The following P2RX5 variants were observed in gnomAD, a reference collection of about 807,000 sequenced individuals.
P2RX5 encodes the protein P2X purinoceptor 5.
Under a neutral mutation model 54.1 loss-of-function variants are expected in P2RX5, and 46 were observed. The ratio of observed to expected loss-of-function variants is 0.85; its 90% CI spans 0.67 to 1.09. The LOEUF (loss-of-function observed/expected upper bound fraction) is 1.09, where lower values mean the gene tolerates loss of function less well. Ranked by LOEUF, P2RX5 falls within the 50% of genes least tolerant of loss-of-function variation. P2RX5 has a pLI of 0.00. For synonymous variants in P2RX5, 226 were observed against 226.4 expected (o/e 1.00, Z 0.02); for missense variants, 566 against 549.8 (o/e 1.03, Z -0.29).
intron 6 of P2RX5, 150 bp downstream of exon 6, chr17:3,689,920 G>GCACGCGCACACACGCACA: frequency 2.4e-6 from 2 of 841,894 alleles, no homozygotes; most frequent in Admixed American, 1.7e-5. Flanking sequence ...ACAGACACAT[G>GCACGCGCACACACGCACA]CACGCGCACA....
rs1354502824 is a variant in P2RX5, at chr17:3,677,128, T to C, written c.1259+2462A>G. ...AGGCAGAGAGCAGCTGAGGGTGCGG[T>C]AGGTGGGTGTGGCCGTGGCATAAGA... is the stretch of plus-strand genomic sequence containing the variant. On this transcript the variant is annotated intron_variant, in intron 11 of 11. Transcript: ENST00000225328. 1.8e-5 allele frequency: 18 copies of C among 984,998 alleles called. No homozygotes were observed. The Admixed American group carries it at 9.9e-4, about 54-fold the overall frequency. The allele number at this position is 984,998 out of a possible 1,614,324, so 61.0% of individuals were successfully genotyped here.
the P2RX5 span, among the ~76,000 whole-genome samples, chr17:3,711,680 G>C: frequency 6.6e-6 from 1 of 150,388 alleles, no homozygotes; most frequent in Non-Finnish European, 1.5e-5. Flanking sequence ...CACTGCGCCC[G>C]GCCTCATTAT....
the P2RX5 span, among the ~76,000 whole-genome samples, chr17:3,714,128 C>T: frequency 3.3e-5 from 5 of 151,660 alleles, no homozygotes; most frequent in African/African-American, 7.3e-5. Flanking sequence ...GGGGTTTCAC[C>T]GTGTTAGCCA....
In P2RX5 at chr17:3,673,708, TC is replaced by T; in HGVS notation, c.*159del. On this transcript the variant is annotated 3_prime_UTR_variant, in exon 12 of 12. Coordinates refer to ENST00000225328, the MANE Select transcript of P2RX5 (RefSeq NM_002561.4). ...ATGACCCCAGCATCAGACGTGGAGG[TC>T]ACTTTGCTCTGTGATGGCTGGTCCC... The T allele has an allele frequency of 6.4e-7, 1 of 1,573,608 alleles. No individual in the cohort carries two copies. The highest frequency in any genetic ancestry group is 8.6e-7 in the Non-Finnish European group (1 of 1,160,336).
chr17:3,676,610 G>A, intron 11 of P2RX5: 1 of 984,892 alleles, frequency 1.0e-6, no homozygotes, highest in East Asian at 1.1e-4. Context: ...ATCCACCAAA[G>A]CTGGCCTTTT....
chr17:3,676,511 G>A (rs1333379165), intron 11 of P2RX5: 1 of 985,152 alleles, frequency 1.0e-6, no homozygotes. Flanking sequence ...ACTTAAATCA[G>A]CTGAGCATAC....
upstream of P2RX5, among the ~76,000 whole-genome samples, chr17:3,696,802 T>C (rs2050767458): frequency 6.6e-6 from 1 of 152,130 alleles, no homozygotes; most frequent in Admixed American, 6.6e-5. Context: ...AAAGGGTTCT[T>C]CCTATTGAAT....
chr17:3,689,037 C>T (rs1273962266), intron 7 of P2RX5, among the ~76,000 whole-genome samples: 1 of 152,246 alleles, frequency 6.6e-6, no homozygotes, highest in Non-Finnish European at 1.5e-5. Flanking sequence ...CCAGCATGTG[C>T]CAAAGGGGGT....
the P2RX5 span, chr17:3,722,417 G>T: frequency 5.3e-5 from 8 of 151,970 alleles, no homozygotes; most frequent in East Asian, 3.9e-4. Flanking sequence ...GGAGGCGGAG[G>T]TTGCAGTGAG....
intron 11 of P2RX5, chr17:3,677,098 G>C: frequency 1.0e-6 from 1 of 985,346 alleles, no homozygotes; most frequent in Non-Finnish European, 1.2e-6. Context: ...GCCCTACAGC[G>C]ATGGAGGCAG....
At chr17:3,680,483 A>T (rs1160106621) in intron 10 of P2RX5, among the ~76,000 whole-genome samples, 2 of 37,596 alleles carry the variant, frequency 5.3e-5, no homozygotes, top group Non-Finnish European at 8.6e-5. Context: ...TCCACCCTGC[A>T]TCCTCCACCC....
At chr17:3,702,809 T>C in the P2RX5 span, among the ~76,000 whole-genome samples, 1 of 152,208 alleles carries the variant, frequency 6.6e-6, no homozygotes, top group East Asian at 1.9e-4. Context: ...TGGGACTATA[T>C]GCGTGAGCCA....
At chr17:3,712,322 G>C in the P2RX5 span, among the ~76,000 whole-genome samples, 80,718 of 152,012 alleles carry the variant, frequency 0.53, 22,337 homozygotes, top group African/African-American at 0.65. Context: ...GGAAGCAGAT[G>C]GTGCCCAACA....
At chr17:3,719,697 A>G in the P2RX5 span, among the ~76,000 whole-genome samples, 37 of 152,292 alleles carry the variant, frequency 2.4e-4, no homozygotes, top group East Asian at 6.2e-3. Context: ...GATACAAAAA[A>G]CAATTTCTCA....
Position 3,683,893 on chromosome 17 carries a change from G to C in P2RX5, c.982-1915C>G, listed in dbSNP as rs1026272926. 4.6e-5 allele frequency among the ~76,000 whole-genome samples: 7 copies of C among 152,292 alleles called. No homozygotes were observed. The East Asian group carries it at 7.7e-4, about 17-fold the overall frequency. ...TCCCAGGAACGTGGTCCTGGTATGG[G>C]ACACAATTTTCCAGGTTTTAACAAA... On this transcript the variant is annotated intron_variant, in intron 9 of 11. Transcript: ENST00000225328.
chr17:3,691,588 A>C (rs1597270733), intron 2 of P2RX5, 56 bp downstream of exon 2: 1 of 1,610,526 alleles, frequency 6.2e-7, no homozygotes, highest in Non-Finnish European at 8.5e-7. Context: ...CGTGTGACCC[A>C]CCCGAACCAG....
chr17:3,683,581 T>G (rs1227894209), intron 9 of P2RX5, among the ~76,000 whole-genome samples: 1 of 151,932 alleles, frequency 6.6e-6, no homozygotes, highest in African/African-American at 2.4e-5. Context: ...AATACGAAAA[T>G]TAACCGGGCG....
the P2RX5 span, among the ~76,000 whole-genome samples, chr17:3,719,888 C>T: frequency 6.6e-6 from 1 of 152,138 alleles, no homozygotes; most frequent in Non-Finnish European, 1.5e-5. Flanking sequence ...CCATCATGTC[C>T]GGCTAATTTT....
At position 3,691,037 on chromosome 17, in the gene P2RX5, C is replaced by T. The variant is rs755188447; in HGVS notation, c.289-10G>A. 3.1e-6 allele frequency: 5 copies of T among 1,606,766 alleles called. No homozygotes were observed. The highest frequency in any genetic ancestry group is 4.3e-6 in the Non-Finnish European group (5 of 1,174,812). On this transcript the variant is annotated splice_polypyrimidine_tract_variant and intron_variant, in intron 2 of 11. Transcript: ENST00000225328. ...AAAAGACGTTCTCTCCCTAAGGAAC[C>T]AGAGAGGCACTGAGGAACCTCCTCC...
Sources: allele counts gnomAD v4.1 joint callset (sites outside exome capture counted in the v4.1 genomes callset), GRCh38; gene constraint gnomAD v4.1.1; transcripts MANE v1.5; gene names NCBI Gene and HGNC (gene_info 2026-07-23, HGNC 2026-07-21).